The following DRC8 variants were observed in gnomAD, a reference collection of about 807,000 sequenced individuals.
DRC8 encodes dynein regulatory complex subunit 8, also known as dynein regulatory complex protein 8.
At chr1:245,041,076 T>G in the DRC8 span, among the ~76,000 whole-genome samples, 4 of 152,206 alleles carry the variant, frequency 2.6e-5, no homozygotes. Flanking sequence ...ATGGAATAGT[T>G]TAGACGTTCT....
the DRC8 span, among the ~76,000 whole-genome samples, chr1:245,008,010 A>G: frequency 1.3e-5 from 2 of 151,962 alleles, no homozygotes; most frequent in Non-Finnish European, 2.9e-5. Context: ...ACAAATGAAA[A>G]CAAAAATTAA....
chr1:245,117,106 G>A, the DRC8 span, among the ~76,000 whole-genome samples: 1 of 152,162 alleles, frequency 6.6e-6, no homozygotes, highest in East Asian at 1.9e-4. Flanking sequence ...AGGCTGGAGG[G>A]CAGTGGTACA....
chr1:245,117,738 G>A, the DRC8 span, among the ~76,000 whole-genome samples: 1 of 152,166 alleles, frequency 6.6e-6, no homozygotes, highest in African/African-American at 2.4e-5. Flanking sequence ...GGAGGCCAAG[G>A]CAAGCGGATC....
chr1:244,993,491 A>G, the DRC8 span, among the ~76,000 whole-genome samples: 1 of 152,240 alleles, frequency 6.6e-6, no homozygotes, highest in Non-Finnish European at 1.5e-5. Context: ...CTTGATCTAT[A>G]GACCTGTGAA....
chr1:245,042,773 G>T, the DRC8 span, among the ~76,000 whole-genome samples: 1 of 151,916 alleles, frequency 6.6e-6, no homozygotes. Context: ...TTCTGAATCT[G>T]GTCTTCACTT....
chr1:245,036,696 A>T, the DRC8 span, among the ~76,000 whole-genome samples: 5 of 152,256 alleles, frequency 3.3e-5, no homozygotes, highest in African/African-American at 1.2e-4. Context: ...TACAACGCGG[A>T]TGAACCTAGG....
chr1:244,991,807 A>G, the DRC8 span, among the ~76,000 whole-genome samples: 2 of 152,124 alleles, frequency 1.3e-5, no homozygotes, highest in African/African-American at 2.4e-5. Context: ...TTTTTTCTTG[A>G]CATTCAGTAT....
chr1:245,024,281 C>T, the DRC8 span, among the ~76,000 whole-genome samples: 2 of 152,218 alleles, frequency 1.3e-5, no homozygotes, highest in South Asian at 4.2e-4. Context: ...TATAATAGCT[C>T]ATGCTGCAGA....
the DRC8 span, among the ~76,000 whole-genome samples, chr1:245,096,886 CTG>C: frequency 2.9e-3 from 441 of 152,276 alleles, 1 homozygote; most frequent in African/African-American, 9.8e-3. Flanking sequence ...TGTCTGTCCT[CTG>C]TTGCCCATCT....
At chr1:245,099,391 C>T in the DRC8 span, among the ~76,000 whole-genome samples, 1 of 152,192 alleles carries the variant, frequency 6.6e-6, no homozygotes, top group Non-Finnish European at 1.5e-5. Context: ...CAGCCAGACC[C>T]TAGGACAAGG....
At chr1:245,115,686 A>G in the DRC8 span, among the ~76,000 whole-genome samples, 1 of 152,178 alleles carries the variant, frequency 6.6e-6, no homozygotes, top group Non-Finnish European at 1.5e-5. Flanking sequence ...CTGGCTGTCT[A>G]GTGAGGGAGG....
chr1:245,036,552 G>GTAGCA, the DRC8 span, among the ~76,000 whole-genome samples: 2 of 152,206 alleles, frequency 1.3e-5, no homozygotes, highest in East Asian at 1.9e-4. Flanking sequence ...AATGATCATA[G>GTAGCA]TAGCATTATT....
the DRC8 span, among the ~76,000 whole-genome samples, chr1:245,054,350 C>T: frequency 6.6e-6 from 1 of 152,024 alleles, no homozygotes; most frequent in Non-Finnish European, 1.5e-5. Flanking sequence ...CCATGCCTGA[C>T]TTCTCCCTTT....
chr1:245,119,137 C>T, the DRC8 span, among the ~76,000 whole-genome samples: 3 of 152,166 alleles, frequency 2.0e-5, no homozygotes, highest in African/African-American at 4.8e-5. Flanking sequence ...GGTAAGTTTA[C>T]AGTTTATTCA....
the DRC8 span, among the ~76,000 whole-genome samples, chr1:245,090,696 T>C: frequency 6.6e-6 from 1 of 151,930 alleles, no homozygotes; most frequent in African/African-American, 2.4e-5. Flanking sequence ...TTTTTTTTTT[T>C]GGTCAGCTGG....
chr1:245,020,473 ATAAG>A, the DRC8 span, among the ~76,000 whole-genome samples: 2 of 152,128 alleles, frequency 1.3e-5, no homozygotes, highest in Admixed American at 1.3e-4. Flanking sequence ...GTTTCATAGT[ATAAG>A]TAATTAGTTC....
At chr1:245,053,686 T>G in the DRC8 span, among the ~76,000 whole-genome samples, 1 of 152,190 alleles carries the variant, frequency 6.6e-6, no homozygotes, top group African/African-American at 2.4e-5. Flanking sequence ...GATTCGAGAC[T>G]AGAGAGAAAG....
At chr1:244,997,218 GTTC>G in the DRC8 span, among the ~76,000 whole-genome samples, 9 of 151,846 alleles carry the variant, frequency 5.9e-5, no homozygotes, top group African/African-American at 2.2e-4. Context: ...ATCCTATCTC[GTTC>G]TTCTACTGAC....
At chr1:245,092,344 G>C in the DRC8 span, among the ~76,000 whole-genome samples, 3 of 152,328 alleles carry the variant, frequency 2.0e-5, no homozygotes, top group Non-Finnish European at 2.9e-5. Context: ...AATGTGTTTA[G>C]ATCTCTCTCT....
Sources: gnomAD v4.1 joint callset for allele counts (sites outside exome capture counted in the v4.1 genomes callset) on GRCh38, gnomAD v4.1.1 for gene constraint, MANE v1.5 for transcripts, NCBI Gene and HGNC (gene_info 2026-07-23, HGNC 2026-07-21) for gene names.